Variants in CTNNA3 observed in about 807,000 individuals in gnomAD.
CTNNA3 encodes the protein catenin alpha 3.
CTNNA3 carries 76 observed loss-of-function variants against 95.7 expected under a neutral mutation model. The observed-to-expected ratio is 0.79, with a 90% CI of 0.66 to 0.96. The LOEUF (loss-of-function observed/expected upper bound fraction) is 0.96, where lower values mean the gene tolerates loss of function less well. CTNNA3 is among the 40% of genes least tolerant of loss of function. CTNNA3 has a pLI of 0.00. For synonymous variants in CTNNA3, 431 were observed against 374.4 expected, an observed-to-expected ratio of 1.15 and a Z score of -1.74; for missense variants, 1,191 against 1,089.8, an observed-to-expected ratio of 1.09 and a Z score of -1.31.
At chr10:66,552,905 T>A (rs536720151) in intron 10 of CTNNA3, among the ~76,000 whole-genome samples, 15 of 152,206 alleles carry the variant, frequency 9.9e-5, no homozygotes, top group African/African-American at 3.6e-4. Flanking sequence ...TTAAAAAAAA[T>A]TCTGTTCAAA....
chr10:66,882,952 C>T (rs1473420195), intron 7 of CTNNA3, among the ~76,000 whole-genome samples: 3 of 151,626 alleles, frequency 2.0e-5, no homozygotes, highest in African/African-American at 7.3e-5. Flanking sequence ...TTTTAAAAAC[C>T]CCAGATGTGT....
At chr10:67,508,316 G>A (rs1004606756) in intron 5 of CTNNA3, among the ~76,000 whole-genome samples, 1 of 151,980 alleles carries the variant, frequency 6.6e-6, no homozygotes, top group Non-Finnish European at 1.5e-5. Context: ...CTAGCAGAAG[G>A]AATGTATTTC....
At chr10:67,719,293 A>G (rs1357665563) in intron 1 of CTNNA3, among the ~76,000 whole-genome samples, 1 of 138,500 alleles carries the variant, frequency 7.2e-6, no homozygotes, top group Admixed American at 7.2e-5. Flanking sequence ...TTGTGTCTCT[A>G]TCTCCTTCAG....
chr10:66,447,963 C>T (rs1483033546), intron 11 of CTNNA3, among the ~76,000 whole-genome samples: 1 of 152,116 alleles, frequency 6.6e-6, no homozygotes, highest in Non-Finnish European at 1.5e-5. Flanking sequence ...CTACAATGAA[C>T]TCAAACAAAT....
At chr10:66,195,862 A>G (rs1366180312) in intron 13 of CTNNA3, among the ~76,000 whole-genome samples, 1 of 151,194 alleles carries the variant, frequency 6.6e-6, no homozygotes, top group Non-Finnish European at 1.5e-5. Context: ...CTGGGTGAAC[A>G]CATGTTAGCC....
At chr10:67,097,912 C>A in intron 7 of CTNNA3, 1 of 843,486 alleles carries the variant, frequency 1.2e-6, no homozygotes, top group South Asian at 1.7e-5. Context: ...ATCCCCTGTT[C>A]AAATAAACAA....
Position 67,581,059 on chromosome 10 carries a change from T to C in CTNNA3, c.292+25798A>G, listed in dbSNP as rs542724050. ...ATTGAATACCCTTTATTTCCTTCTC[T>C]TGCCTGATTGCCCTGGCCAGAACTT... On this transcript the variant is annotated intron_variant, in intron 3 of 17. Transcript: ENST00000433211. Among the ~76,000 whole-genome samples, 5 of 152,228 alleles carry C rather than the reference T, an allele frequency of 3.3e-5. No homozygotes were observed. The East Asian group carries it at 5.8e-4, about 18-fold the overall frequency.
At chr10:65,969,439 C>T (rs533982112) in intron 16 of CTNNA3, among the ~76,000 whole-genome samples, 4 of 152,196 alleles carry the variant, frequency 2.6e-5, no homozygotes, top group African/African-American at 9.6e-5. Flanking sequence ...AAAGTGGAAA[C>T]TTGGAAATGA....
At chr10:67,690,803 G>C (rs568266863) in intron 1 of CTNNA3, among the ~76,000 whole-genome samples, 3 of 152,334 alleles carry the variant, frequency 2.0e-5, no homozygotes, top group Admixed American at 1.3e-4. Context: ...AAAGGAGCTT[G>C]TACCAGAATG....
At chr10:66,792,092 T>C (rs1840994902) in intron 7 of CTNNA3, among the ~76,000 whole-genome samples, 1 of 152,212 alleles carries the variant, frequency 6.6e-6, no homozygotes, top group Non-Finnish European at 1.5e-5. Context: ...ATAGCTTTAA[T>C]ATGCCACATG....
At chr10:67,676,376 T>C (rs1589558817) in intron 1 of CTNNA3, among the ~76,000 whole-genome samples, 1 of 152,162 alleles carries the variant, frequency 6.6e-6, no homozygotes, top group African/African-American at 2.4e-5. Context: ...TAAAATGATA[T>C]ATGTTATGAT....
Position 66,849,811 on chromosome 10 carries a change from C to T in CTNNA3, c.1048-74287G>A, listed in dbSNP as rs571423153. On this transcript the variant is annotated intron_variant, in intron 7 of 17. Coordinates refer to ENST00000433211, the MANE Select transcript of CTNNA3 (RefSeq NM_013266.4). Reference sequence around the variant, plus strand: ...GGAAAAGATAGCTGTTGTCTTAAGCCACCAAGCTTGTAGTACTTTGTTACT... The same window carrying T: ...GGAAAAGATAGCTGTTGTCTTAAGCTACCAAGCTTGTAGTACTTTGTTACT... Among the ~76,000 whole-genome samples the T allele has an allele frequency of 3.3e-5, 5 of 152,266 alleles. No homozygotes were observed. In the South Asian group the frequency reaches 8.3e-4, roughly 25 times the overall value.
chr10:66,861,862 T>C (rs571870867), intron 7 of CTNNA3, among the ~76,000 whole-genome samples: 1 of 152,338 alleles, frequency 6.6e-6, no homozygotes, highest in Admixed American at 6.5e-5. Flanking sequence ...AATGTATGTA[T>C]ATCTCACATT....
At chr10:67,053,486 G>A (rs1055267358) in intron 7 of CTNNA3, among the ~76,000 whole-genome samples, 24 of 152,166 alleles carry the variant, frequency 1.6e-4, no homozygotes, top group African/African-American at 5.3e-4. Flanking sequence ...CTGCCCATCA[G>A]TCAGTATCTA....
chr10:67,428,370 C>T (rs754780975), intron 5 of CTNNA3, among the ~76,000 whole-genome samples: 23 of 151,660 alleles, frequency 1.5e-4, no homozygotes, highest in Admixed American at 3.9e-4. Flanking sequence ...GTTGAAGACA[C>T]GTAAATGAAC....
At chr10:66,088,583 A>G (rs1472214949) in intron 14 of CTNNA3, among the ~76,000 whole-genome samples, 1 of 151,036 alleles carries the variant, frequency 6.6e-6, no homozygotes, top group Non-Finnish European at 1.5e-5. Context: ...ATCTGGGCAA[A>G]CATTCTAGAA....
intron 7 of CTNNA3, among the ~76,000 whole-genome samples, chr10:67,045,627 C>G (rs1407225640): frequency 2.0e-5 from 3 of 152,202 alleles, no homozygotes; most frequent in Non-Finnish European, 4.4e-5. Flanking sequence ...CGGCCAGACC[C>G]CGTTTCCCAG....
At chr10:66,275,273 A>G (rs1360793591) in intron 13 of CTNNA3, among the ~76,000 whole-genome samples, 1 of 152,142 alleles carries the variant, frequency 6.6e-6, no homozygotes, top group Non-Finnish European at 1.5e-5. Context: ...ACGCACCATC[A>G]TGCCCAGCTA....
intron 7 of CTNNA3, among the ~76,000 whole-genome samples, chr10:66,851,998 C>T (rs1001529630): frequency 6.6e-6 from 1 of 152,068 alleles, no homozygotes; most frequent in Non-Finnish European, 1.5e-5. Context: ...TGAAGTATGG[C>T]TTGACAACTG....
Sources: allele counts gnomAD v4.1 joint callset (sites outside exome capture counted in the v4.1 genomes callset), GRCh38; gene constraint gnomAD v4.1.1; transcripts MANE v1.5; gene names NCBI Gene and HGNC (gene_info 2026-07-23, HGNC 2026-07-21).